Variants in ARFRP1 observed in about 807,000 individuals in gnomAD.
The protein encoded by ARFRP1 is ARF related protein 1.
A neutral mutation model predicts 30.3 loss-of-function variants in ARFRP1; 19 were observed. The ratio of observed to expected loss-of-function variants is 0.63; its 90% CI spans 0.44 to 0.92. The LOEUF (loss-of-function observed/expected upper bound fraction) is 0.92, where lower values mean the gene tolerates loss of function less well. Among genes scored for constraint, ARFRP1 ranks in the 40% least tolerant of loss-of-function variants. The probability of loss-of-function intolerance (pLI) is 0.00; values close to 1 mark genes in which losing one functional copy is unlikely to be tolerated. For missense variants in ARFRP1, 245 were observed against 267.5 expected (o/e 0.92, Z 0.59); for synonymous variants, 133 against 114.2 (o/e 1.16, Z -1.05).
At position 63,706,658 on chromosome 20, in the gene ARFRP1, G is replaced by T. The variant is rs1249099040; in HGVS notation, c.174C>A (p.Gly58=). The change falls in exon 3 of 8, where the codon GGC becomes GGA. Residue 58 remains glycine (G), a synonymous_variant. Coordinates refer to ENST00000622789, the MANE Select transcript of ARFRP1 (RefSeq NM_001267547.3). ...MSLSKITTTV[G]LNIGTVDVGK... ...TGCTATTGAGACCCTTACTGTTTAG[G>T]CCCACGGTGGTGGTGATTTTGGATA... The T allele has an allele frequency of 3.1e-6, 5 of 1,610,960 alleles. No individual in the cohort carries two copies. In the South Asian group the frequency reaches 5.5e-5, roughly 18 times the overall value.
intron 3 of ARFRP1, 70 bp downstream of exon 3, chr20:63,706,581 G>A (rs1429843180): frequency 1.3e-6 from 2 of 1,525,864 alleles, no homozygotes; most frequent in East Asian, 4.5e-5. Context: ...GTGGCCACGG[G>A]CCAGCTGGAC....
intron 4 of ARFRP1, chr20:63,705,721 T>G (rs769193412): frequency 2.8e-5 from 15 of 533,130 alleles, no homozygotes; most frequent in Non-Finnish European, 3.5e-5. Flanking sequence ...GCAAGGTCTC[T>G]GAGCCGAAAG....
chr20:63,703,694 T>A (rs1205631261), intron 4 of ARFRP1: 1 of 152,344 alleles, frequency 6.6e-6, no homozygotes, highest in Non-Finnish European at 1.5e-5. Context: ...ACGTGGCTCC[T>A]GGGGCTTCTG....
chr20:63,701,072 C>T, intron 6 of ARFRP1: 1 of 401,560 alleles, frequency 2.5e-6, no homozygotes, highest in South Asian at 1.9e-5. Flanking sequence ...GGGAGCCCTG[C>T]ATCAGTGATG....
At position 63,705,109 on chromosome 20, in the gene ARFRP1, G is replaced by GATC. The variant is rs528510635; in HGVS notation, c.264+1245_264+1247dup. ...TGCCTGAGACACCGGCCTGTGACAA[G>GATC]ATCATCATCATCTGTGTCACTCCCC... On this transcript the variant is annotated intron_variant, in intron 4 of 7. Coordinates refer to ENST00000622789, the MANE Select transcript of ARFRP1 (RefSeq NM_001267547.3). The GATC allele has an allele frequency of 9.8e-5, 15 of 152,676 alleles. No homozygotes were observed. In the East Asian group the frequency reaches 2.3e-3, roughly 24 times the overall value. The allele number at this position is 152,676 out of a possible 1,614,324, so 9.5% of individuals were successfully genotyped here. A position where few individuals can be genotyped will look rare whatever the true frequency, so the allele number is the denominator to read the frequency against.
chr20:63,702,240 G>A (rs1006901562), intron 4 of ARFRP1, 23 bp from the exon 5 acceptor site: 2 of 1,604,282 alleles, frequency 1.2e-6, no homozygotes, highest in Non-Finnish European at 1.7e-6. Flanking sequence ...ACCAGGAGTT[G>A]GGGCTCAGTC....
Position 63,698,840 on chromosome 20 carries a change from C to T in ARFRP1, c.*1603G>A. On this transcript the variant is annotated 3_prime_UTR_variant, in exon 8 of 8. Transcript: ENST00000622789. ...CTGGGAGGATCAGTGGGGAGTGCCA[C>T]CTCTGCCCCCAGTGGCTGTGGCACG... 1 of 323,544 alleles carries T rather than the reference C, an allele frequency of 3.1e-6. No individual in the cohort carries two copies. The highest frequency in any genetic ancestry group is 5.6e-6 in the Non-Finnish European group (1 of 179,866). The allele number at this position is 323,544 out of a possible 1,614,324, so 20.0% of individuals were successfully genotyped here.
chr20:63,698,921 G>T lies in ARFRP1; in HGVS notation c.*1522C>A, dbSNP rs2091054261. 5.2e-6 allele frequency: 1 copy of T among 191,414 alleles called. No homozygotes were observed. Among genetic ancestry groups the T allele is most frequent in the Admixed American group, 6.1e-5 (1 of 16,526 alleles). 11.9% of individuals were successfully genotyped at this position (191,414 alleles called of 1,614,324 possible). On this transcript the variant is annotated 3_prime_UTR_variant, in exon 8 of 8. Transcript: ENST00000622789. ...CAGGGCCTGGGAGGGTATCATTGCT[G>T]GAAGAACAGGATGGGGCTCAGGCCA...
At position 63,698,787 on chromosome 20, in the gene ARFRP1, G is replaced by A; in HGVS notation, c.*1656C>T. 2.1e-6 allele frequency: 1 copy of A among 477,644 alleles called. No individual in the cohort carries two copies. The allele number at this position is 477,644 out of a possible 1,614,324, so 29.6% of individuals were successfully genotyped here. The stretch of plus-strand genomic sequence containing the variant: ...GCCTGCCATCAGAACTGCTGCCCGG[G>A]GCTTCCCCTACCTCAGACAGACCCT... On this transcript the variant is annotated 3_prime_UTR_variant, in exon 8 of 8. Coordinates refer to ENST00000622789, the MANE Select transcript of ARFRP1 (RefSeq NM_001267547.3).
At position 63,700,086 on chromosome 20, in the gene ARFRP1, G is replaced by A. The variant is rs2091121940; in HGVS notation, c.*357C>T. On this transcript the variant is annotated 3_prime_UTR_variant, in exon 8 of 8. Transcript: ENST00000622789. ...CGGAGACAGCCACGGGGTCTCCCGA[G>A]GGTCCCACAGGGCTGTCCTCATGCA... 1 of 332,478 alleles carries A rather than the reference G, an allele frequency of 3.0e-6. No individual in the cohort carries two copies. The highest frequency in any genetic ancestry group is 2.1e-5 in the African/African-American group (1 of 47,006). 20.6% of individuals were successfully genotyped at this position (332,478 alleles called of 1,614,324 possible).
chr20:63,707,165 T>G, intron 1 of ARFRP1, 68 bp from the exon 2 acceptor site: 1 of 1,401,512 alleles, frequency 7.1e-7, no homozygotes, highest in Non-Finnish European at 9.8e-7. Flanking sequence ...TTCTCCACGG[T>G]GGTCAGTGGC....
intron 1 of ARFRP1, chr20:63,707,383 C>T (rs768526163): frequency 6.1e-6 from 2 of 325,772 alleles, no homozygotes; most frequent in Non-Finnish European, 1.2e-5. Context: ...TCACAGTGAG[C>T]TCAGCCGCGC....
Position 63,700,355 on chromosome 20 carries a change from A to AC in ARFRP1, c.*87dup, listed in dbSNP as rs995562877. 2 of 1,561,868 alleles carry AC rather than the reference A, an allele frequency of 1.3e-6. No homozygotes were observed. The highest frequency in any genetic ancestry group is 2.7e-5 in the African/African-American group (2 of 73,494). On this transcript the variant is annotated 3_prime_UTR_variant, in exon 8 of 8. Coordinates refer to ENST00000622789, the MANE Select transcript of ARFRP1 (RefSeq NM_001267547.3). ...AAGAACCCCAAAGCAAAGCAAACCC[A>AC]CCCCCCAGATCAGCAGCATGGGAGC...
chr20:63,707,119 A>G, intron 1 of ARFRP1, 22 bp from the exon 2 acceptor site: 2 of 1,579,484 alleles, frequency 1.3e-6, no homozygotes, highest in East Asian at 2.3e-5. Context: ...AACATAGGTC[A>G]GTGTGCAGCC....
intron 3 of ARFRP1, 61 bp from the exon 4 acceptor site, chr20:63,706,500 G>C: frequency 6.4e-7 from 1 of 1,566,296 alleles, no homozygotes; most frequent in Non-Finnish European, 8.8e-7. Context: ...CCCAGTCCCA[G>C]CTCTCCCAGG....
At chr20:63,706,762 AC>A (rs2091488215) in intron 2 of ARFRP1, 24 bp from the exon 3 acceptor site, 3 of 1,566,492 alleles carry the variant, frequency 1.9e-6, no homozygotes, top group Non-Finnish European at 2.6e-6. Flanking sequence ...CAGAGGCGAA[AC>A]ACATCAAGGA....
In ARFRP1 at chr20:63,707,113, T is replaced by A; in HGVS notation, c.-6-16A>T. On this transcript the variant is annotated splice_polypyrimidine_tract_variant and intron_variant, in intron 1 of 7. Coordinates refer to ENST00000622789, the MANE Select transcript of ARFRP1 (RefSeq NM_001267547.3). ...ACATCCTGCCCTGGGCACCCCAACA[T>A]AGGTCAGTGTGCAGCCAGAAAGCAC... 6.3e-7 allele frequency: 1 copy of A among 1,586,252 alleles called. No individual in the cohort carries two copies. The highest frequency in any genetic ancestry group is 2.3e-5 in the East Asian group (1 of 43,110).
intron 2 of ARFRP1, 128 bp from the exon 3 acceptor site, chr20:63,706,866 G>A: frequency 8.0e-7 from 1 of 1,255,866 alleles, no homozygotes; most frequent in Non-Finnish European, 1.2e-6. Flanking sequence ...TCAGGAGGCT[G>A]GTGGTGACTA....
chr20:63,705,767 G>C (rs1449463418), intron 4 of ARFRP1: 2 of 532,944 alleles, frequency 3.8e-6, no homozygotes, highest in Non-Finnish European at 7.7e-6. Context: ...GGGTCCCCAG[G>C]TCCCCACACT....
Sources: gnomAD v4.1 joint callset for allele counts on GRCh38, gnomAD v4.1.1 for gene constraint, MANE v1.5 for transcripts, NCBI Gene and HGNC (gene_info 2026-07-23, HGNC 2026-07-21) for gene names.